CACNA1C: variants seen among roughly 807,000 people sequenced by gnomAD.
The protein encoded by CACNA1C is voltage-dependent L-type calcium channel subunit alpha-1C.
A neutral mutation model predicts 229.0 loss-of-function variants in CACNA1C; 30 were observed. That is an observed-to-expected ratio of 0.13 (90% CI 0.10 to 0.18). The LOEUF (loss-of-function observed/expected upper bound fraction) is 0.18, where lower values mean the gene tolerates loss of function less well. CACNA1C is among the 10% of genes least tolerant of loss of function. The pLI, the probability that CACNA1C is intolerant of heterozygous loss-of-function variation, is 1.00. For synonymous variants in CACNA1C, 1,114 were observed against 1,132.5 expected (o/e 0.98, Z 0.33); for missense variants, 1,658 against 2,845.0 (o/e 0.58, Z 9.49).
rs1438543862 is a variant in CACNA1C, at chr12:2,275,546, T to G, written c.477+155116T>G. On this transcript the variant is annotated intron_variant, in intron 3 of 46. Coordinates refer to ENST00000399655, the MANE Select transcript of CACNA1C (RefSeq NM_000719.7). This position sits in a 1 kb window ranked among gnomAD's most constrained non-coding sequence, Gnocchi z 4.1. The stretch of plus-strand genomic sequence containing the variant: ...TCGCAACCCCCACGCAGCCCCACCC[T>G]TGACCTGCCACCTCCATCTGCACCT... 6.6e-6 allele frequency among the ~76,000 whole-genome samples: 1 copy of G among 151,506 alleles called. No individual in the cohort carries two copies. The highest frequency in any genetic ancestry group is 1.5e-5 in the Non-Finnish European group (1 of 67,850).
chr12:2,439,845 G>A (rs1301055679), intron 3 of CACNA1C, among the ~76,000 whole-genome samples: 3 of 152,034 alleles, frequency 2.0e-5, no homozygotes, highest in African/African-American at 7.3e-5. Flanking sequence ...TTGCTGTTAG[G>A]CTATTAGTGG....
In CACNA1C at chr12:2,668,969, G is replaced by A. The variant is rs786205762; in HGVS notation, c.4660G>A (p.Gly1554Arg). Residue 1554 changes from glycine to arginine, a missense_variant, in exon 38 of 47, where the codon GGG (glycine) becomes AGG (arginine). Gly to Arg is a moderately radical substitution (Grantham distance 125). This residue lies in a region of CACNA1C where 151 missense variants were observed against 344.4 expected (regional missense o/e 0.44). Transcript: ENST00000399655. ...CATGAACATGCCTCTGAACAGCGAC[G>A]GGACAGTCATGTTCAATGCCACCCT... Reference protein sequence around the residue: ...VSMNMPLNSDGTVMFNATLFA... With the variant: ...VSMNMPLNSDRTVMFNATLFA... 4 of 1,614,050 alleles carry A rather than the reference G, an allele frequency of 2.5e-6. No homozygotes were observed. Among genetic ancestry groups the A allele is most frequent in the Non-Finnish European group, 2.5e-6 (3 of 1,179,950 alleles).
chr12:2,410,108 G>A lies in CACNA1C; in HGVS notation c.478-38868G>A, dbSNP rs2098790200. 6.6e-6 allele frequency among the ~76,000 whole-genome samples: 1 copy of A among 152,206 alleles called. No homozygotes were observed. The highest frequency in any genetic ancestry group is 2.4e-5 in the African/African-American group (1 of 41,452). On this transcript the variant is annotated intron_variant, in intron 3 of 46. Transcript: ENST00000399655. This position sits in a 1 kb window ranked among gnomAD's most constrained non-coding sequence, Gnocchi z 5.3. The stretch of plus-strand genomic sequence containing the variant: ...GGCAGCTTCGTCCTCTCAGACTGTG[G>A]GTTGCTTTTAGCTGTCAGCCTTGGA...
intron 11 of CACNA1C, among the ~76,000 whole-genome samples, chr12:2,565,475 GA>G (rs4016834): frequency 0.6 from 70,323 of 117,560 alleles, 21,934 homozygotes; most frequent in East Asian, 0.82. Context: ...CTCCGTCTCA[GA>G]AAAAAAAAAA....
intron 3 of CACNA1C, chr12:2,221,701 G>T (rs1566492286): frequency 6.6e-6 from 1 of 152,188 alleles, no homozygotes; most frequent in Non-Finnish European, 1.5e-5. Flanking sequence ...TTATCCTACA[G>T]AAACAGTCAG....
At position 2,346,089 on chromosome 12, in the gene CACNA1C, C is replaced by G. The variant is rs114115245; in HGVS notation, c.478-102887C>G. 6.6e-6 allele frequency among the ~76,000 whole-genome samples: 1 copy of G among 152,114 alleles called. No homozygotes were observed. Among genetic ancestry groups the G allele is most frequent in the African/African-American group, 2.4e-5 (1 of 41,420 alleles). On this transcript the variant is annotated intron_variant, in intron 3 of 46. Transcript: ENST00000399655. The surrounding 1 kb of genome is among the most constrained non-coding windows in gnomAD (Gnocchi z 4.4). ...ACAGCCTCTGTGTTCCATTTAGAAC[C>G]GCTGAAGCTCCCCAGGTGCACCAGG...
rs373629973 is a variant in CACNA1C, at chr12:2,438,203, GTGA to G, written c.478-10770_478-10768del. ...GGATGGTGGGATAATGACGGCGATG[GTGA>G]TGGTGGTGGTGGTGGTGGTTGTGAT... On this transcript the variant is annotated intron_variant, in intron 3 of 46. Transcript: ENST00000399655. 9.1e-4 allele frequency among the ~76,000 whole-genome samples: 137 copies of G among 150,574 alleles called. 2 individuals are homozygous for G. The South Asian group carries it at 0.026, about 28-fold the overall frequency.
rs1255806633 is a variant in CACNA1C at position 2,067,277 on chromosome 12, A to G, written c.49+13666A>G. ...GAATCCCCCAGCCTGCCTCCATCCCAGGTGGATTAGTCATCAGAATAGCCA... is the reference window on the plus strand; with the variant it reads ...GAATCCCCCAGCCTGCCTCCATCCCGGGTGGATTAGTCATCAGAATAGCCA... On this transcript the variant is annotated intron_variant, in intron 1 of 46. Transcript: ENST00000399655. The surrounding 1 kb of genome is among the most constrained non-coding windows in gnomAD (Gnocchi z 5.3). 6.6e-6 allele frequency among the ~76,000 whole-genome samples: 1 copy of G among 152,100 alleles called. No homozygotes were observed. The highest frequency in any genetic ancestry group is 6.5e-5 in the Admixed American group (1 of 15,274).
chr12:2,562,594 C>A (rs1451197245), intron 11 of CACNA1C, among the ~76,000 whole-genome samples: 1 of 152,196 alleles, frequency 6.6e-6, no homozygotes, highest in Non-Finnish European at 1.5e-5. Context: ...CAGAGGTCGC[C>A]TCTCAAGAGG....
At chr12:2,445,539 T>G (rs750581504) in intron 3 of CACNA1C, among the ~76,000 whole-genome samples, 6 of 152,136 alleles carry the variant, frequency 3.9e-5, no homozygotes, top group Non-Finnish European at 7.4e-5. Context: ...TAGGCTTTTT[T>G]TGGGAAAATT....
In CACNA1C at chr12:2,120,425, A is replaced by C; in HGVS notation, c.472A>C (p.Asn158His). ...PEDDSNATNS[N>H]LERVEYLFLI... ...AGATGATTCCAACGCCACCAATTCC[A>C]ACCTGGTAAGTCCACCATCCTCAAG... Residue 158 changes from asparagine to histidine, a missense_variant, in exon 3 of 47, where the codon AAC becomes CAC. By Grantham distance (68) the Asn-to-His change is moderately conservative (BLOSUM62 1). This residue lies in a region of CACNA1C where 89 missense variants were observed against 177.8 expected (regional missense o/e 0.50). Coordinates refer to ENST00000399655, the MANE Select transcript of CACNA1C (RefSeq NM_000719.7). 6.3e-7 allele frequency: 1 copy of C among 1,584,244 alleles called. No individual in the cohort carries two copies. Among genetic ancestry groups the C allele is most frequent in the Non-Finnish European group, 8.7e-7 (1 of 1,152,812 alleles).
chr12:2,048,637 T>G (rs888687842), upstream of CACNA1C: 3 of 152,418 alleles, frequency 2.0e-5, no homozygotes, highest in African/African-American at 7.2e-5. Flanking sequence ...GGTGGCAGCA[T>G]TTAGTGCTGA....
intron 1 of CACNA1C, among the ~76,000 whole-genome samples, chr12:2,099,770 C>T (rs542073074): frequency 7.1e-4 from 108 of 152,226 alleles, no homozygotes; most frequent in Admixed American, 2.2e-3. Context: ...GGGGCAGACA[C>T]GCTGCCTGCC....
chr12:2,084,972 C>T (rs1197114314), intron 1 of CACNA1C, among the ~76,000 whole-genome samples: 2 of 152,216 alleles, frequency 1.3e-5, no homozygotes, highest in Non-Finnish European at 2.9e-5. Flanking sequence ...TTCCAATTTA[C>T]TAGCTATTCC....
At chr12:2,472,035 T>G (rs927076022) in intron 5 of CACNA1C, among the ~76,000 whole-genome samples, 2 of 152,240 alleles carry the variant, frequency 1.3e-5, no homozygotes, top group Non-Finnish European at 2.9e-5. Flanking sequence ...CTGACTGCTT[T>G]TAAAATTTTC....
At chr12:2,482,500 A>G (rs946485680) in intron 5 of CACNA1C, among the ~76,000 whole-genome samples, 5 of 152,230 alleles carry the variant, frequency 3.3e-5, no homozygotes, top group Non-Finnish European at 5.9e-5. Flanking sequence ...GGTTACAAAT[A>G]GTGCCTACTT....
chr12:2,474,997 A>G lies in CACNA1C; in HGVS notation c.758-11107A>G, dbSNP rs953880251. On this transcript the variant is annotated intron_variant, in intron 5 of 46. Coordinates refer to ENST00000399655, the MANE Select transcript of CACNA1C (RefSeq NM_000719.7). ...CATTTTCAAATTACTTTGAAAACCAATTGTGTGAAAATAAGGTTTTGGCTG... is the reference window on the plus strand; with the variant it reads ...CATTTTCAAATTACTTTGAAAACCAGTTGTGTGAAAATAAGGTTTTGGCTG... Among the ~76,000 whole-genome samples, 7 of 152,108 alleles carry G rather than the reference A, an allele frequency of 4.6e-5. No homozygotes were observed. In the East Asian group the frequency reaches 1.2e-3, roughly 25 times the overall value.
intron 1 of CACNA1C, among the ~76,000 whole-genome samples, chr12:2,044,840 G>A (rs531173599): frequency 6.6e-6 from 1 of 152,350 alleles, no homozygotes; most frequent in South Asian, 2.1e-4. Context: ...GTTCCTGGCT[G>A]CATAACCCTA....
In CACNA1C at chr12:2,593,261, G is replaced by T; in HGVS notation, c.2579G>T (p.Arg860Leu). 1 of 1,613,720 alleles carries T rather than the reference G, an allele frequency of 6.2e-7. No individual in the cohort carries two copies. Among genetic ancestry groups the T allele is most frequent in the Non-Finnish European group, 8.5e-7 (1 of 1,179,804 alleles). ...EPEMPVGPRPRPLSELHLKEK... is the reference protein window; with the variant it reads ...EPEMPVGPRPLPLSELHLKEK... ...GAGATGCCTGTCGGCCCTCGCCCAC[G>T]ACCACTCTCTGAGCTTCACCTTAAG... The change falls in exon 19 of 47, where the codon CGA (arginine) becomes CTA (leucine). Residue 860 changes from arginine (R) to leucine (L), a missense_variant. Physicochemically the swap from Arg to Leu is moderately radical, Grantham distance 102. Around this residue, in one of 20 missense-constraint regions of CACNA1C, gnomAD observed 121 missense variants for 128.8 expected, o/e 0.94. Coordinates refer to ENST00000399655, the MANE Select transcript of CACNA1C (RefSeq NM_000719.7).
Sources: allele counts gnomAD v4.1 joint callset (sites outside exome capture counted in the v4.1 genomes callset), GRCh38; gene constraint gnomAD v4.1.1; regional missense constraint gnomAD v4.1.1; non-coding constraint Gnocchi (gnomAD v3.1); transcripts MANE v1.5; gene names NCBI Gene and HGNC (gene_info 2026-07-23, HGNC 2026-07-21).